Variants in IFT140 observed in about 807,000 individuals in gnomAD.
The protein encoded by IFT140 is intraflagellar transport protein 140 homolog.
IFT140 carries 133 observed loss-of-function variants against 164.6 expected under a neutral mutation model. That is an observed-to-expected ratio of 0.81 (90% CI 0.70 to 0.93). IFT140 has a LOEUF of 0.93. Among genes scored for constraint, IFT140 ranks in the 40% least tolerant of loss-of-function variants. IFT140 has a pLI of 0.00. For missense variants in IFT140, 2,045 were observed against 1,972.3 expected (o/e 1.04, Z -0.70); for synonymous variants, 860 against 817.3 (o/e 1.05, Z -0.89).
chr16:1,516,769 CAAA>C (rs777538656), intron 30 of IFT140, among the ~76,000 whole-genome samples: 12 of 53,200 alleles, frequency 2.3e-4, no homozygotes, highest in South Asian at 2.1e-3. Context: ...CACTCTGTCT[CAAA>C]AAAAAAAAAA....
intron 30 of IFT140, among the ~76,000 whole-genome samples, chr16:1,516,178 A>AAAC (rs2040337804): frequency 1.7e-5 from 1 of 59,222 alleles, no homozygotes; most frequent in African/African-American, 2.3e-4. Flanking sequence ...AAAAAAAAAA[A>AAAC]CACCAGAAAT....
Position 1,525,983 on chromosome 16 carries a change from AC to A in IFT140, c.2671del (p.Val891Ter), listed in dbSNP as rs2141179932. On this transcript the variant is annotated frameshift_variant, in exon 21 of 31. Coordinates refer to ENST00000426508, the MANE Select transcript of IFT140 (RefSeq NM_014714.4). LOFTEE classifies it high-confidence loss of function. ...AAGRWQEALQ[V>X]AEHHDRVHLR... ...GTGCACGCGATCGTGGTGCTCGGCTACCTGGAGGGCCTCCTGCCACCGGCCC... is the reference window on the plus strand; with the variant it reads ...GTGCACGCGATCGTGGTGCTCGGCTACTGGAGGGCCTCCTGCCACCGGCCC... 2 of 1,594,582 alleles carry A rather than the reference AC, an allele frequency of 1.3e-6. No homozygotes were observed. The highest frequency in any genetic ancestry group is 2.3e-5 in the South Asian group (2 of 87,932).
At chr16:1,579,859 G>T (rs1167010622) in intron 13 of IFT140, among the ~76,000 whole-genome samples, 1 of 151,868 alleles carries the variant, frequency 6.6e-6, no homozygotes, top group African/African-American at 2.4e-5. Context: ...AGCTACTCAG[G>T]AGGCTGAGGC....
At chr16:1,565,753 AC>A (rs1309111315) in intron 16 of IFT140, among the ~76,000 whole-genome samples, 1 of 152,238 alleles carries the variant, frequency 6.6e-6, no homozygotes, top group Non-Finnish European at 1.5e-5. Flanking sequence ...CCATTCAGTC[AC>A]AGAAGGAACT....
intron 4 of IFT140, among the ~76,000 whole-genome samples, chr16:1,598,700 A>C (rs1034859041): frequency 1.2e-4 from 18 of 152,256 alleles, no homozygotes; most frequent in South Asian, 2.1e-4. Context: ...GCATCCGCTA[A>C]GCCACAGGGC....
intron 19 of IFT140, among the ~76,000 whole-genome samples, chr16:1,546,090 C>A (rs2032148858): frequency 6.6e-6 from 1 of 152,222 alleles, no homozygotes; most frequent in Non-Finnish European, 1.5e-5. Context: ...CTTTCACAGT[C>A]TGTGGTCTTG....
chr16:1,533,971 T>C lies in IFT140; in HGVS notation c.2400-7175A>G. 6.8e-6 allele frequency: 3 copies of C among 440,710 alleles called. No homozygotes were observed. Among genetic ancestry groups the C allele is most frequent in the Non-Finnish European group, 1.2e-5 (3 of 248,688 alleles). The allele number at this position is 440,710 out of a possible 1,614,324, so 27.3% of individuals were successfully genotyped here. A position where few individuals can be genotyped will look rare whatever the true frequency, so the allele number is the denominator to read the frequency against. On this transcript the variant is annotated intron_variant, in intron 19 of 30. Coordinates refer to ENST00000426508, the MANE Select transcript of IFT140 (RefSeq NM_014714.4). The surrounding 1 kb of genome is among the most constrained non-coding windows in gnomAD (Gnocchi z 4.7). ...ACGCGCGGCACAGGCCGGCCTCCGC[T>C]TCCCGGGAAGACGGCGCACTCCTGG...
rs926484270 is a variant in IFT140 at position 1,551,670 on chromosome 16, C to A, written c.2399+6265G>T. ...CTCACTGTCGAACCCAACTTCAGGA[C>A]ATGCTTGTTCACGGAAGAGCCTAAG... On this transcript the variant is annotated intron_variant, in intron 19 of 30. Coordinates refer to ENST00000426508, the MANE Select transcript of IFT140 (RefSeq NM_014714.4). This position sits in a 1 kb window ranked among gnomAD's most constrained non-coding sequence, Gnocchi z 4.0. 6.6e-6 allele frequency among the ~76,000 whole-genome samples: 1 copy of A among 152,188 alleles called. No individual in the cohort carries two copies. The highest frequency in any genetic ancestry group is 2.4e-5 in the African/African-American group (1 of 41,438).
At chr16:1,515,665 G>A (rs2040314913) in intron 30 of IFT140, among the ~76,000 whole-genome samples, 1 of 152,190 alleles carries the variant, frequency 6.6e-6, no homozygotes, top group Non-Finnish European at 1.5e-5. Context: ...CCAAAGTGCT[G>A]AGATTACAGG....
intron 19 of IFT140, among the ~76,000 whole-genome samples, chr16:1,527,719 G>A (rs1415399090): frequency 6.6e-6 from 1 of 152,172 alleles, no homozygotes; most frequent in East Asian, 1.9e-4. Flanking sequence ...CCACAGGTGT[G>A]TGCTACCACA....
chr16:1,551,478 G>T lies in IFT140; in HGVS notation c.2399+6457C>A, dbSNP rs559717145. Among the ~76,000 whole-genome samples, 3 of 152,320 alleles carry T rather than the reference G, an allele frequency of 2.0e-5. No homozygotes were observed. The East Asian group carries it at 5.8e-4, about 29-fold the overall frequency. The stretch of plus-strand genomic sequence containing the variant: ...CAGAAGGGCGGCCGCAGGTAGCAGG[G>T]GAGACCCTAAGGCGATGGGAGCCAC... On this transcript the variant is annotated intron_variant, in intron 19 of 30. Transcript: ENST00000426508. This position sits in a 1 kb window ranked among gnomAD's most constrained non-coding sequence, Gnocchi z 4.0.
chr16:1,520,154 C>T lies in IFT140; in HGVS notation c.3850G>A (p.Gly1284Ser), dbSNP rs1355939213. The T allele has an allele frequency of 1.2e-6, 2 of 1,614,178 alleles. No homozygotes were observed. Among genetic ancestry groups the T allele is most frequent in the Non-Finnish European group, 1.7e-6 (2 of 1,179,996 alleles). Residue 1284 changes from glycine to serine, a missense_variant, in exon 28 of 31, where the codon GGC becomes AGC. Transcript: ENST00000426508. ...ACCTGGGCACAAGCGTCATAAAAGC[C>T]AGCCAGGAGGTCCAGGGCCCGCCCC... is the stretch of plus-strand genomic sequence containing the variant. ...TKGRALDLLA[G>S]FYDACAQVEI...
In IFT140 at chr16:1,566,194, T is replaced by G; in HGVS notation, c.1868A>C (p.Glu623Ala). 6.2e-7 allele frequency: 1 copy of G among 1,613,880 alleles called. No homozygotes were observed. Among genetic ancestry groups the G allele is most frequent in the South Asian group, 1.1e-5 (1 of 91,070 alleles). ...CTCTTGCTCATTAAAGGACAGCGTC[T>G]CTCTCCGATCAATTTGTCCAGTCTT... ...DFKTGQIDRR[E>A]TLSFNEQETN... The change falls in exon 16 of 31, where the codon GAG becomes GCG. Residue 623 changes from glutamate to alanine, a missense_variant. Physicochemically the swap from Glu to Ala is moderately radical, Grantham distance 107 (BLOSUM62 -1). Coordinates refer to ENST00000426508, the MANE Select transcript of IFT140 (RefSeq NM_014714.4).
At chr16:1,588,601 T>A (rs2035020191) in intron 7 of IFT140, among the ~76,000 whole-genome samples, 1 of 151,956 alleles carries the variant, frequency 6.6e-6, no homozygotes, top group Non-Finnish European at 1.5e-5. Context: ...TCGGTGGACA[T>A]GCTCTGGAGT....
intron 19 of IFT140, chr16:1,532,845 A>G (rs1376865572): frequency 6.6e-6 from 1 of 152,266 alleles, no homozygotes; most frequent in Non-Finnish European, 1.5e-5. Context: ...CCCTGGCAGC[A>G]TAAGCTCTGC....
At chr16:1,603,172 C>T (rs1257485392) in intron 3 of IFT140, among the ~76,000 whole-genome samples, 1 of 152,082 alleles carries the variant, frequency 6.6e-6, no homozygotes, top group African/African-American at 2.4e-5. Flanking sequence ...CATGATGTGC[C>T]ACCTCCTCCC....
At chr16:1,541,985 C>T in intron 19 of IFT140, 1 of 1,611,238 alleles carries the variant, frequency 6.2e-7, no homozygotes, top group Non-Finnish European at 8.5e-7. Context: ...CAGGCCAGCT[C>T]ACCTTCCTCC....
intron 19 of IFT140, chr16:1,540,785 T>C: frequency 5.1e-6 from 5 of 971,348 alleles, no homozygotes; most frequent in Non-Finnish European, 6.1e-6. Context: ...CAACTGTTTA[T>C]AACGACTTAG....
At chr16:1,543,450 C>A (rs747196676) in intron 19 of IFT140, among the ~76,000 whole-genome samples, 1 of 152,210 alleles carries the variant, frequency 6.6e-6, no homozygotes, top group Non-Finnish European at 1.5e-5. Flanking sequence ...GGGCAAGTCA[C>A]TTCCCCTGGC....
Sources: allele counts gnomAD v4.1 joint callset (sites outside exome capture counted in the v4.1 genomes callset), GRCh38; gene constraint gnomAD v4.1.1; non-coding constraint Gnocchi (gnomAD v3.1); transcripts MANE v1.5; gene names NCBI Gene and HGNC (gene_info 2026-07-23, HGNC 2026-07-21).